ANKS1B: variants seen among roughly 807,000 people sequenced by gnomAD.
ANKS1B encodes the protein ankyrin repeat and sterile alpha motif domain-containing protein 1B.
A neutral mutation model predicts 148.3 loss-of-function variants in ANKS1B; 36 were observed. The ratio of observed to expected loss-of-function variants is 0.24; its 90% CI spans 0.19 to 0.32. ANKS1B has a LOEUF of 0.32. Ranked by LOEUF, ANKS1B falls within the 10% of genes least tolerant of loss-of-function variation. The probability of loss-of-function intolerance (pLI) is 1.00; values close to 1 mark genes in which losing one functional copy is unlikely to be tolerated. For missense variants in ANKS1B, 1,157 were observed against 1,542.6 expected, an observed-to-expected ratio of 0.75 and a Z score of 4.19; for synonymous variants, 542 against 560.8, an observed-to-expected ratio of 0.97 and a Z score of 0.47.
chr12:99,288,866 C>G (rs2079511666), intron 12 of ANKS1B, among the ~76,000 whole-genome samples: 1 of 151,754 alleles, frequency 6.6e-6, no homozygotes, highest in South Asian at 2.1e-4. Flanking sequence ...ACAAAACAAC[C>G]AGAAAACAAA....
intron 8 of ANKS1B, among the ~76,000 whole-genome samples, chr12:99,750,641 GA>G (rs1355917724): frequency 1.2e-4 from 19 of 152,032 alleles, no homozygotes; most frequent in Admixed American, 1.2e-3. Flanking sequence ...GTCAGTGGAA[GA>G]TAAGTGGAAA....
chr12:99,287,933 A>G (rs185797057), intron 12 of ANKS1B, among the ~76,000 whole-genome samples: 1 of 152,320 alleles, frequency 6.6e-6, no homozygotes, highest in African/African-American at 2.4e-5. Context: ...GCTTCAAAAT[A>G]GCAAATCTAA....
chr12:99,580,834 T>C (rs1321433480), intron 9 of ANKS1B, among the ~76,000 whole-genome samples: 1 of 152,194 alleles, frequency 6.6e-6, no homozygotes, highest in Non-Finnish European at 1.5e-5. Flanking sequence ...TGTTTGCATG[T>C]ACCAATGTGC....
Position 99,652,482 on chromosome 12 carries a change from G to A in ANKS1B, c.1272+2585C>T, listed in dbSNP as rs573696065. 1.2e-4 allele frequency among the ~76,000 whole-genome samples: 18 copies of A among 151,240 alleles called. No homozygotes were observed. In the South Asian group the frequency reaches 3.8e-3, roughly 32 times the overall value. On this transcript the variant is annotated intron_variant, in intron 9 of 26. Coordinates refer to ENST00000683438, the MANE Select transcript of ANKS1B (RefSeq NM_001352186.2). ...AGCGAGACTCCATCTGAAAAAAAAA[G>A]AAAAATTTATAGTGAGAGAAACATT...
intron 1 of ANKS1B, among the ~76,000 whole-genome samples, chr12:99,972,624 T>A (rs1762938424): frequency 6.6e-6 from 1 of 152,098 alleles, no homozygotes; most frequent in Admixed American, 6.5e-5. Context: ...AAAAAAGCCA[T>A]CTCCATGACA....
chr12:99,873,289 G>T (rs1044728432), intron 1 of ANKS1B, among the ~76,000 whole-genome samples: 1 of 152,146 alleles, frequency 6.6e-6, no homozygotes, highest in Non-Finnish European at 1.5e-5. Flanking sequence ...ATCATGTTAG[G>T]AAGTAACCTT....
chr12:99,752,218 C>T (rs1055821497), intron 8 of ANKS1B, among the ~76,000 whole-genome samples: 2 of 151,862 alleles, frequency 1.3e-5, no homozygotes, highest in African/African-American at 4.8e-5. Flanking sequence ...TTTTTTAACA[C>T]ACTTTTATAA....
chr12:99,931,882 A>T (rs2094625770), intron 1 of ANKS1B, among the ~76,000 whole-genome samples: 1 of 152,008 alleles, frequency 6.6e-6, no homozygotes, highest in Non-Finnish European at 1.5e-5. Flanking sequence ...CATTCCCTCT[A>T]ATTATATTTT....
intron 22 of ANKS1B, among the ~76,000 whole-genome samples, chr12:98,783,685 A>C (rs1226634179): frequency 6.6e-6 from 1 of 152,184 alleles, no homozygotes; most frequent in African/African-American, 2.4e-5. Flanking sequence ...TAATACATGC[A>C]CAGAGGCCTA....
chr12:99,203,398 C>G (rs2082288684), intron 14 of ANKS1B, among the ~76,000 whole-genome samples: 1 of 152,060 alleles, frequency 6.6e-6, no homozygotes, highest in South Asian at 2.1e-4. Context: ...CAGGCTTTAT[C>G]TCCTGCCAGA....
chr12:99,666,685 G>T (rs894498932), intron 8 of ANKS1B, among the ~76,000 whole-genome samples: 5 of 152,020 alleles, frequency 3.3e-5, no homozygotes, highest in African/African-American at 1.2e-4. Flanking sequence ...CTTTCAAATG[G>T]TATTATTAGG....
At chr12:99,853,051 C>T (rs1414457929) in intron 1 of ANKS1B, among the ~76,000 whole-genome samples, 1 of 152,142 alleles carries the variant, frequency 6.6e-6, no homozygotes, top group Admixed American at 6.5e-5. Flanking sequence ...TCCCCCATAG[C>T]AGCCACAGCA....
chr12:99,611,689 T>C (rs2097903799), intron 9 of ANKS1B, among the ~76,000 whole-genome samples: 1 of 152,072 alleles, frequency 6.6e-6, no homozygotes, highest in Non-Finnish European at 1.5e-5. Context: ...TAATGCCCAT[T>C]TGAGATTTTT....
intron 22 of ANKS1B, among the ~76,000 whole-genome samples, chr12:98,798,312 G>T (rs1201648055): frequency 1.3e-5 from 2 of 151,880 alleles, no homozygotes; most frequent in Non-Finnish European, 2.9e-5. Context: ...AGTAAGAGGG[G>T]TTTTGCCATG....
chr12:99,841,205 A>T (rs1439318305), intron 1 of ANKS1B, among the ~76,000 whole-genome samples: 1 of 152,102 alleles, frequency 6.6e-6, no homozygotes, highest in Non-Finnish European at 1.5e-5. Context: ...TGCCTGACAC[A>T]TAATAATCAT....
chr12:98,796,905 A>G (rs2098954617), intron 22 of ANKS1B, among the ~76,000 whole-genome samples: 1 of 152,152 alleles, frequency 6.6e-6, no homozygotes, highest in Non-Finnish European at 1.5e-5. Context: ...GATCCACTCA[A>G]TTTCATGAAA....
intron 12 of ANKS1B, among the ~76,000 whole-genome samples, chr12:99,301,911 A>C (rs886526380): frequency 6.6e-6 from 1 of 152,158 alleles, no homozygotes; most frequent in Non-Finnish European, 1.5e-5. Context: ...AGGAGACTGC[A>C]TTTAAAAGCG....
At chr12:98,938,980 A>G (rs2099828956) in intron 17 of ANKS1B, among the ~76,000 whole-genome samples, 2 of 152,224 alleles carry the variant, frequency 1.3e-5, no homozygotes, top group African/African-American at 2.4e-5. Flanking sequence ...CAAAAAGGCA[A>G]AAGTTTATTA....
chr12:98,872,525 C>T (rs2152403738), intron 17 of ANKS1B, among the ~76,000 whole-genome samples: 1 of 152,154 alleles, frequency 6.6e-6, no homozygotes, highest in African/African-American at 2.4e-5. Context: ...GGTAACAGAG[C>T]TAGAACCTAT....
Sources: allele counts gnomAD v4.1 joint callset (sites outside exome capture counted in the v4.1 genomes callset), GRCh38; gene constraint gnomAD v4.1.1; transcripts MANE v1.5; gene names NCBI Gene and HGNC (gene_info 2026-07-23, HGNC 2026-07-21).